ZMYND8: variants seen among roughly 807,000 people sequenced by gnomAD.
ZMYND8 encodes the protein MYND-type zinc finger-containing chromatin reader ZMYND8.
A neutral mutation model predicts 140.8 loss-of-function variants in ZMYND8; 37 were observed. That is an observed-to-expected ratio of 0.26 (90% confidence interval 0.20 to 0.35). The LOEUF (loss-of-function observed/expected upper bound fraction) is 0.35, where lower values mean the gene tolerates loss of function less well. Ranked by LOEUF, ZMYND8 falls within the 10% of genes least tolerant of loss-of-function variation. The pLI, the probability that ZMYND8 is intolerant of heterozygous loss-of-function variation, is 1.00. For missense variants in ZMYND8, 1,068 were observed against 1,570.0 expected, an observed-to-expected ratio of 0.68 and a Z score of 5.40; for synonymous variants, 592 against 597.1, an observed-to-expected ratio of 0.99 and a Z score of 0.12.
At position 47,261,221 on chromosome 20, in the gene ZMYND8, C is replaced by CA. The variant is rs555362722; in HGVS notation, c.1621+1066dup. Among the ~76,000 whole-genome samples, 375 of 151,440 alleles carry CA rather than the reference C, an allele frequency of 2.5e-3. 2 individuals are homozygous for CA. The highest frequency in any genetic ancestry group is 4.3e-3 in the Non-Finnish European group (292 of 67,850). ...GGGCAACAAGAGCGAAACTCCATCT[C>CA]AAAAAAAATAATAATAATAAGGAAT... On this transcript the variant is annotated intron_variant, in intron 12 of 22. Transcript: ENST00000471951.
intron 1 of ZMYND8, chr20:47,353,350 G>A (rs2082953214): frequency 6.6e-6 from 1 of 152,190 alleles, no homozygotes; most frequent in Non-Finnish European, 1.5e-5. Flanking sequence ...TAATCCAAGA[G>A]GCCCCCAATT....
Position 47,210,490 on chromosome 20 carries a change from G to T in ZMYND8, c.*271C>A. ...GTTAAAGTTAATACAAATATAAAAA[G>T]GGGAAAGTCCTCTAGATTCAATGAC... is the stretch of plus-strand genomic sequence containing the variant. On this transcript the variant is annotated 3_prime_UTR_variant, in exon 23 of 23. Coordinates refer to ENST00000471951, the MANE Select transcript of ZMYND8 (RefSeq NM_001281775.3). 8.3e-6 allele frequency: 2 copies of T among 242,406 alleles called. No individual in the cohort carries two copies. The highest frequency in any genetic ancestry group is 7.8e-6 in the Non-Finnish European group (1 of 127,814). 15.0% of individuals were successfully genotyped at this position (242,406 alleles called of 1,614,324 possible).
chr20:47,308,144 C>A, intron 3 of ZMYND8, among the ~76,000 whole-genome samples: 1 of 146,842 alleles, frequency 6.8e-6, no homozygotes, highest in African/African-American at 2.5e-5. Flanking sequence ...TTGAAAAACT[C>A]AGTTCCTCAG....
chr20:47,251,631 C>T (rs968155351), intron 12 of ZMYND8, among the ~76,000 whole-genome samples: 2 of 151,924 alleles, frequency 1.3e-5, no homozygotes, highest in African/African-American at 4.8e-5. Flanking sequence ...ACTCTTTATA[C>T]CCGTCTCTGT....
chr20:47,299,029 C>T, intron 3 of ZMYND8, 82 bp from the exon 4 acceptor site: 1 of 1,330,110 alleles, frequency 7.5e-7, no homozygotes, highest in Non-Finnish European at 1.1e-6. Context: ...ACATCAATAA[C>T]AACAAAAGAA....
At chr20:47,221,776 C>T (rs1176972424) in intron 19 of ZMYND8, among the ~76,000 whole-genome samples, 4 of 152,234 alleles carry the variant, frequency 2.6e-5, no homozygotes, top group Non-Finnish European at 5.9e-5. Context: ...AAGTGATTCT[C>T]TTGTCTCAGC....
chr20:47,217,460 G>A (rs1038316290), intron 21 of ZMYND8, among the ~76,000 whole-genome samples: 5 of 152,144 alleles, frequency 3.3e-5, no homozygotes, highest in African/African-American at 4.8e-5. Flanking sequence ...AAGCCTGTTC[G>A]AAGGGGAAGT....
At chr20:47,211,195 G>A (rs562880566) in intron 22 of ZMYND8, among the ~76,000 whole-genome samples, 8 of 152,300 alleles carry the variant, frequency 5.3e-5, no homozygotes, top group Non-Finnish European at 7.3e-5. Flanking sequence ...TTCTTGTGCC[G>A]TGTCTGGAAC....
intron 2 of ZMYND8, among the ~76,000 whole-genome samples, chr20:47,336,389 C>T (rs1289213935): frequency 1.3e-5 from 2 of 152,180 alleles, no homozygotes; most frequent in African/African-American, 4.8e-5. Context: ...TCCCTTGTGC[C>T]GGTGACATTA....
intron 2 of ZMYND8, among the ~76,000 whole-genome samples, chr20:47,321,698 AGATATCTGGGCTATCAG>A (rs1354413011): frequency 1.3e-5 from 2 of 152,204 alleles, no homozygotes; most frequent in Non-Finnish European, 2.9e-5. Flanking sequence ...GGCAACAACT[AGATATCTGGGCTATCAG>A]GAAAACTGTC....
intron 18 of ZMYND8, 105 bp from the exon 19 acceptor site, chr20:47,224,661 G>A: frequency 6.4e-7 from 1 of 1,555,782 alleles, no homozygotes; most frequent in Non-Finnish European, 8.7e-7. Flanking sequence ...AGACCTGGCT[G>A]GGAGAAGCCC....
At chr20:47,219,922 A>C (rs1256326385) in intron 21 of ZMYND8, among the ~76,000 whole-genome samples, 1 of 151,876 alleles carries the variant, frequency 6.6e-6, no homozygotes, top group Non-Finnish European at 1.5e-5. Flanking sequence ...TACCGTTCTC[A>C]TTTCCCTGAG....
Position 47,229,750 on chromosome 20 carries a change from G to A in ZMYND8, c.2913C>T (p.Asn971=), listed in dbSNP as rs749827144. The A allele has an allele frequency of 7.3e-5, 117 of 1,613,272 alleles. No homozygotes were observed. The highest frequency in any genetic ancestry group is 9.4e-5 in the Non-Finnish European group (111 of 1,179,726). The change falls in exon 17 of 23, where the codon AAC becomes AAT. Residue 971 remains asparagine (N), a synonymous_variant. Coordinates refer to ENST00000471951, the MANE Select transcript of ZMYND8 (RefSeq NM_001281775.3). ...CCTCAGCTATTGTGCTTCCAGTAGT[G>A]TTTTTAGAAAGATCGTTGTATATTT... ...MTEIYNDLSK[N]TTGSTIAEIR... is the part of the protein sequence containing the mutation.
intron 11 of ZMYND8, among the ~76,000 whole-genome samples, chr20:47,273,980 G>C (rs2076110596): frequency 6.6e-6 from 1 of 152,140 alleles, no homozygotes; most frequent in South Asian, 2.1e-4. Flanking sequence ...GCACATACCA[G>C]CAAGGAGATT....
chr20:47,267,481 G>C lies in ZMYND8; in HGVS notation c.1481-5053C>G, dbSNP rs960972705. Among the ~76,000 whole-genome samples, 7 of 106,166 alleles carry C rather than the reference G, an allele frequency of 6.6e-5. 1 individual carries two copies. The highest frequency in any genetic ancestry group is 7.3e-4 in the South Asian group (2 of 2,758). The allele number at this position is 106,166 out of a possible 152,430, so 69.6% of individuals were successfully genotyped here. On this transcript the variant is annotated intron_variant, in intron 11 of 22. Transcript: ENST00000471951. ...TAAATAGGAAGAAAATGTCTAAAAT[G>C]GTTCAGGGCCGGGGCGGGGGGGGGG...
intron 2 of ZMYND8, among the ~76,000 whole-genome samples, chr20:47,316,975 C>G (rs964936488): frequency 1.3e-5 from 2 of 152,104 alleles, no homozygotes; most frequent in African/African-American, 4.8e-5. Flanking sequence ...CAGAGCAGTA[C>G]TGGGATTTCA....
rs1194238167 is a variant in ZMYND8 at position 47,293,103 on chromosome 20, CGAGGAAAGAAGGAAGG to C, written c.568-1231_568-1216del. Among the ~76,000 whole-genome samples the C allele has an allele frequency of 1.3e-3, 133 of 99,302 alleles. 1 individual carries two copies. Among genetic ancestry groups the C allele is most frequent in the African/African-American group, 4.7e-3 (115 of 24,502 alleles). 65.1% of individuals were successfully genotyped at this position (99,302 alleles called of 152,430 possible). ...AGGGAGGTAGGGAGGGAGGGAGGGA[CGAGGAAAGAAGGAAGG>C]AAGGAAGGAAGGAAGGAAGGAAGGA... is the stretch of plus-strand genomic sequence containing the variant. On this transcript the variant is annotated intron_variant, in intron 5 of 22. Coordinates refer to ENST00000471951, the MANE Select transcript of ZMYND8 (RefSeq NM_001281775.3).
At chr20:47,282,886 A>G (rs2076698166) in intron 9 of ZMYND8, among the ~76,000 whole-genome samples, 1 of 152,222 alleles carries the variant, frequency 6.6e-6, no homozygotes, top group Non-Finnish European at 1.5e-5. Context: ...AATGTGCATC[A>G]TACCTAGCAT....
chr20:47,356,366 C>G (rs747954366), intron 1 of ZMYND8: 1 of 1,411,282 alleles, frequency 7.1e-7, no homozygotes. Context: ...AAAAAAGCTT[C>G]TTTTTTGGCA....
Sources: allele counts gnomAD v4.1 joint callset (sites outside exome capture counted in the v4.1 genomes callset), GRCh38; gene constraint gnomAD v4.1.1; transcripts MANE v1.5; gene names NCBI Gene and HGNC (gene_info 2026-07-23, HGNC 2026-07-21).